ITGB5: variants seen among roughly 807,000 people sequenced by gnomAD.
ITGB5 encodes integrin subunit beta 5, also known as integrin beta-5.
Under a neutral mutation model 84.8 loss-of-function variants are expected in ITGB5, and 38 were observed. That is an observed-to-expected ratio of 0.45 (90% CI 0.35 to 0.59). The LOEUF (loss-of-function observed/expected upper bound fraction) is 0.59. ITGB5 is among the 20% of genes least tolerant of loss of function. ITGB5 has a pLI of 0.01. For synonymous variants in ITGB5, 393 were observed against 414.4 expected, an observed-to-expected ratio of 0.95 and a Z score of 0.63; for missense variants, 905 against 1,034.5, an observed-to-expected ratio of 0.87 and a Z score of 1.72.
rs2063831231 is a variant in ITGB5 at position 124,770,796 on chromosome 3, A to C, written c.1917-1683T>G. ...TAGAAACAAGATGGTAACTCTCCCC[A>C]CAGTCACAGCCCCGGAAGGCGGGCA... On this transcript the variant is annotated intron_variant, in intron 11 of 14. Coordinates refer to ENST00000296181, the MANE Select transcript of ITGB5 (RefSeq NM_002213.5). Among the ~76,000 whole-genome samples the C allele has an allele frequency of 4.6e-5, 7 of 152,174 alleles. No homozygotes were observed. In the South Asian group the frequency reaches 1.4e-3, roughly 32 times the overall value.
chr3:124,868,618 CAA>C (rs67873873), intron 2 of ITGB5, among the ~76,000 whole-genome samples: 3,352 of 68,286 alleles, frequency 0.049, 75 homozygotes, highest in African/African-American at 0.13. Context: ...TGTTCTCTAC[CAA>C]AAAAAAAAAA....
At chr3:124,886,811 G>C (rs1207510103) in intron 1 of ITGB5, 120 bp downstream of exon 1, 1 of 466,852 alleles carries the variant, frequency 2.1e-6, no homozygotes. Context: ...CCACCAGGGA[G>C]TGCCCCGAAG....
intron 4 of ITGB5, among the ~76,000 whole-genome samples, chr3:124,843,042 C>T (rs1258273359): frequency 3.3e-5 from 5 of 152,202 alleles, no homozygotes; most frequent in Non-Finnish European, 7.3e-5. Context: ...CCTGGCTTTC[C>T]TTTGTGTTTC....
chr3:124,794,238 TGA>T (rs1404697012), intron 10 of ITGB5, among the ~76,000 whole-genome samples: 1 of 152,196 alleles, frequency 6.6e-6, no homozygotes, highest in Non-Finnish European at 1.5e-5. Context: ...AGATAAACTT[TGA>T]GATACAATTT....
intron 10 of ITGB5, chr3:124,793,159 G>A (rs1481755854): frequency 6.6e-6 from 1 of 152,148 alleles, no homozygotes; most frequent in Non-Finnish European, 1.5e-5. Context: ...GACAGGAAAA[G>A]CCAAAGTCCA....
intron 10 of ITGB5, chr3:124,792,270 TGCA>T (rs1175610872): frequency 6.6e-6 from 1 of 152,232 alleles, no homozygotes; most frequent in Non-Finnish European, 1.5e-5. Flanking sequence ...CAAAATTGTA[TGCA>T]GCTATAAACA....
intron 3 of ITGB5, among the ~76,000 whole-genome samples, chr3:124,850,350 T>C (rs1183291374): frequency 6.6e-6 from 1 of 151,842 alleles, no homozygotes; most frequent in Non-Finnish European, 1.5e-5. Context: ...GATGCGCTCA[T>C]GAGGGAGAGC....
In ITGB5 at chr3:124,796,509, C is replaced by T. The variant is rs759886778; in HGVS notation, c.1572G>A (p.Gly524=). The T allele has an allele frequency of 1.9e-6, 3 of 1,614,186 alleles. No individual in the cohort carries two copies. The highest frequency in any genetic ancestry group is 1.1e-5 in the South Asian group (1 of 91,088). The part of the protein sequence containing the change: ...REAEGKPLCS[G]RGDCSCNQCS... ...ACTGGTTGCAGCTGCAGTCCCCACG[C>T]CCGCTGCACAGTGGCTTGCCCTCTG... is the stretch of plus-strand genomic sequence containing the variant. The change falls in exon 10 of 15, where the codon GGG becomes GGA. Residue 524 remains glycine, a synonymous_variant. Coordinates refer to ENST00000296181, the MANE Select transcript of ITGB5 (RefSeq NM_002213.5).
intron 3 of ITGB5, among the ~76,000 whole-genome samples, 199 bp from the exon 4 acceptor site, chr3:124,848,757 A>G (rs1410346667): frequency 6.6e-6 from 1 of 150,516 alleles, no homozygotes; most frequent in Admixed American, 6.7e-5. Flanking sequence ...CTTCCTAAAC[A>G]TTCGGCTTAG....
chr3:124,874,323 AAAAG>A (rs1356364999), intron 1 of ITGB5, among the ~76,000 whole-genome samples: 6 of 151,050 alleles, frequency 4.0e-5, no homozygotes, highest in African/African-American at 9.7e-5. Flanking sequence ...AAAAAAAAAA[AAAAG>A]AAAGAAAGAA....
chr3:124,798,130 G>A (rs2064261610), intron 9 of ITGB5, among the ~76,000 whole-genome samples: 3 of 138,744 alleles, frequency 2.2e-5, no homozygotes, highest in Non-Finnish European at 4.5e-5. Flanking sequence ...TCAGCTCACT[G>A]CAATCTCCAC....
At chr3:124,839,798 T>C (rs2064987612) in intron 5 of ITGB5, among the ~76,000 whole-genome samples, 1 of 152,256 alleles carries the variant, frequency 6.6e-6, no homozygotes, top group Non-Finnish European at 1.5e-5. Flanking sequence ...TGTTTCCATG[T>C]GTCTCTCTCA....
intron 13 of ITGB5, 146 bp downstream of exon 13, chr3:124,766,080 A>AAG: frequency 1.2e-6 from 1 of 840,284 alleles, no homozygotes; most frequent in Admixed American, 2.6e-5. Flanking sequence ...AAAAAAAGAA[A>AAG]AAGAAGAAAT....
At chr3:124,796,840 A>G (rs770979931) in intron 9 of ITGB5, 23 bp from the exon 10 acceptor site, 3 of 1,568,528 alleles carry the variant, frequency 1.9e-6, no homozygotes, top group Admixed American at 3.6e-5. Flanking sequence ...AAGAGAAGGG[A>G]TATCATGGCT....
chr3:124,786,409 A>G (rs1329354088), intron 10 of ITGB5, among the ~76,000 whole-genome samples: 1 of 152,078 alleles, frequency 6.6e-6, no homozygotes, highest in Non-Finnish European at 1.5e-5. Flanking sequence ...TCTCTTAAAA[A>G]AAAAAAAAAG....
chr3:124,837,403 AT>A (rs1421903660), intron 5 of ITGB5, among the ~76,000 whole-genome samples: 1 of 152,214 alleles, frequency 6.6e-6, no homozygotes, highest in Non-Finnish European at 1.5e-5. Flanking sequence ...AAGATAAGAA[AT>A]TACAGGCAGT....
At chr3:124,821,532 A>T in intron 5 of ITGB5, 58 bp from the exon 6 acceptor site, 1 of 1,561,480 alleles carries the variant, frequency 6.4e-7, no homozygotes, top group Non-Finnish European at 8.8e-7. Flanking sequence ...TGCCCTGGTC[A>T]TGCAGGGCAC....
chr3:124,849,048 G>A (rs2065117182), intron 3 of ITGB5, among the ~76,000 whole-genome samples: 1 of 152,166 alleles, frequency 6.6e-6, no homozygotes, highest in South Asian at 2.1e-4. Context: ...CCAAAGTGCT[G>A]GGATTACAGG....
At chr3:124,838,443 CTTAAT>C (rs1279826368) in intron 5 of ITGB5, among the ~76,000 whole-genome samples, 9 of 152,110 alleles carry the variant, frequency 5.9e-5, no homozygotes, top group African/African-American at 1.9e-4. Context: ...CCATGCCAAT[CTTAAT>C]TTATCTTACA....
Sources: allele counts gnomAD v4.1 joint callset (sites outside exome capture counted in the v4.1 genomes callset), GRCh38; gene constraint gnomAD v4.1.1; transcripts MANE v1.5; gene names NCBI Gene and HGNC (gene_info 2026-07-23, HGNC 2026-07-21).